The following EPHB1 variants were observed in gnomAD, a reference collection of about 807,000 sequenced individuals.
EPHB1 encodes the protein ephrin type-B receptor 1.
In EPHB1, 30 loss-of-function variants were observed where a neutral mutation model predicts 94.4. The ratio of observed to expected loss-of-function variants is 0.32; its 90% CI spans 0.24 to 0.43. The LOEUF (loss-of-function observed/expected upper bound fraction) is 0.43, where lower values mean the gene tolerates loss of function less well. EPHB1 is among the 20% of genes least tolerant of loss of function. EPHB1 has a pLI of 1.00. For missense variants in EPHB1, 1,055 were observed against 1,308.3 expected (o/e 0.81, Z 2.99); for synonymous variants, 522 against 489.1 (o/e 1.07, Z -0.89).
At chr3:134,948,457 A>G (rs2039256858) in intron 2 of EPHB1, among the ~76,000 whole-genome samples, 1 of 152,078 alleles carries the variant, frequency 6.6e-6, no homozygotes, top group Non-Finnish European at 1.5e-5. Context: ...TGACTTCTCC[A>G]TGGCTGAAAA....
intron 1 of EPHB1, among the ~76,000 whole-genome samples, chr3:134,832,100 A>G (rs140178195): frequency 6.6e-6 from 1 of 152,380 alleles, no homozygotes; most frequent in East Asian, 1.9e-4. Flanking sequence ...AGCACAAAAT[A>G]TTGTGTGGGA....
intron 15 of EPHB1, among the ~76,000 whole-genome samples, chr3:135,257,722 T>C (rs1576508489): frequency 1.5e-5 from 2 of 129,082 alleles, no homozygotes; most frequent in Non-Finnish European, 3.4e-5. Flanking sequence ...CAGGCAGGCC[T>C]CCTTGAGCTG....
chr3:134,942,191 A>G (rs1173579403), intron 2 of EPHB1, among the ~76,000 whole-genome samples: 1 of 152,238 alleles, frequency 6.6e-6, no homozygotes, highest in Non-Finnish European at 1.5e-5. Context: ...TCATTGCCTC[A>G]GTCTTCCAGG....
chr3:134,963,182 CTTCT>C lies in EPHB1; in HGVS notation c.805+11132_805+11135del, dbSNP rs1478729548. 4.4e-5 allele frequency among the ~76,000 whole-genome samples: 6 copies of C among 135,200 alleles called. No homozygotes were observed. The East Asian group carries it at 1.0e-3, about 23-fold the overall frequency. 88.7% of individuals were successfully genotyped at this position (135,200 alleles called of 152,430 possible). On this transcript the variant is annotated intron_variant, in intron 3 of 15. Transcript: ENST00000398015. ...CCTTCCTTCCTTCCTTCCTTCCTTCCTTCTTCCTTCTTCTTCTGTACTTTTGTTT... is the reference window on the plus strand; with the variant it reads ...CCTTCCTTCCTTCCTTCCTTCCTTCCTCCTTCTTCTTCTGTACTTTTGTTT...
chr3:135,075,174 C>A (rs1237172353), intron 3 of EPHB1, among the ~76,000 whole-genome samples: 1 of 152,152 alleles, frequency 6.6e-6, no homozygotes, highest in East Asian at 1.9e-4. Context: ...CTATCCCCAA[C>A]CAGCCCTGGG....
intron 1 of EPHB1, among the ~76,000 whole-genome samples, chr3:134,803,340 C>T (rs2035969668): frequency 6.6e-6 from 1 of 152,128 alleles, no homozygotes; most frequent in Non-Finnish European, 1.5e-5. Flanking sequence ...GGCAGGTGGC[C>T]AGAAAGGGAG....
At chr3:135,120,470 A>C (rs1490982545) in intron 4 of EPHB1, among the ~76,000 whole-genome samples, 1 of 152,184 alleles carries the variant, frequency 6.6e-6, no homozygotes, top group Admixed American at 6.5e-5. Context: ...TGGACATCTA[A>C]CAGAGGCTGG....
chr3:134,919,295 G>A (rs547134296), intron 1 of EPHB1, among the ~76,000 whole-genome samples: 2 of 152,274 alleles, frequency 1.3e-5, no homozygotes, highest in South Asian at 4.2e-4. Context: ...TTTAGATGGG[G>A]GAGACACATG....
chr3:134,860,261 G>A (rs73214883), intron 1 of EPHB1, among the ~76,000 whole-genome samples: 2 of 151,534 alleles, frequency 1.3e-5, no homozygotes, highest in South Asian at 2.1e-4. Context: ...GAGCATCTCC[G>A]CCATACTCAG....
chr3:135,048,252 CTTTT>C (rs1323642991), intron 3 of EPHB1, among the ~76,000 whole-genome samples: 1 of 83,432 alleles, frequency 1.2e-5, no homozygotes, highest in African/African-American at 5.1e-5. Flanking sequence ...TTCTTTCTTT[CTTTT>C]TTCTTTTTTT....
chr3:134,800,720 A>G (rs2035919646), intron 1 of EPHB1, among the ~76,000 whole-genome samples: 1 of 152,154 alleles, frequency 6.6e-6, no homozygotes, highest in Non-Finnish European at 1.5e-5. Context: ...GGGGATCTGC[A>G]TTTTACTAAA....
chr3:134,998,124 A>G (rs1935054334), intron 3 of EPHB1, among the ~76,000 whole-genome samples: 1 of 152,234 alleles, frequency 6.6e-6, no homozygotes, highest in Non-Finnish European at 1.5e-5. Context: ...CGGCAGATCT[A>G]AAGCATCTGG....
At chr3:134,918,934 T>C (rs1472077904) in intron 1 of EPHB1, among the ~76,000 whole-genome samples, 2 of 152,188 alleles carry the variant, frequency 1.3e-5, no homozygotes, top group African/African-American at 2.4e-5. Context: ...TATTACTCTT[T>C]AAAAAGCTGA....
intron 15 of EPHB1, among the ~76,000 whole-genome samples, chr3:135,257,869 C>T (rs533801612): frequency 1.8e-4 from 27 of 152,208 alleles, no homozygotes; most frequent in African/African-American, 6.0e-4. Flanking sequence ...AGGGAGACTC[C>T]GTGGGCATAG....
At chr3:134,975,285 T>C (rs753408814) in intron 3 of EPHB1, among the ~76,000 whole-genome samples, 4 of 152,162 alleles carry the variant, frequency 2.6e-5, no homozygotes, top group Non-Finnish European at 5.9e-5. Context: ...CCATCCCTTT[T>C]GCAGGCCTGA....
At chr3:135,180,394 C>G (rs17767042) in intron 10 of EPHB1, among the ~76,000 whole-genome samples, 42 of 152,310 alleles carry the variant, frequency 2.8e-4, no homozygotes, top group Admixed American at 1.1e-3. Context: ...GTAAGTTCTC[C>G]ATTTCCTATG....
At chr3:134,955,024 A>G (rs955440126) in intron 3 of EPHB1, among the ~76,000 whole-genome samples, 1 of 132,246 alleles carries the variant, frequency 7.6e-6, no homozygotes, top group South Asian at 2.5e-4. Context: ...CGGCTCATGC[A>G]TTTTCTAGAG....
intron 3 of EPHB1, among the ~76,000 whole-genome samples, chr3:134,988,630 A>G (rs1934686875): frequency 6.6e-6 from 1 of 152,212 alleles, no homozygotes; most frequent in Non-Finnish European, 1.5e-5. Context: ...TTGGCTGCCC[A>G]TGAGAGATAC....
At chr3:134,878,463 C>T (rs948803122) in intron 1 of EPHB1, among the ~76,000 whole-genome samples, 3 of 152,286 alleles carry the variant, frequency 2.0e-5, no homozygotes, top group Middle Eastern at 3.4e-3. Flanking sequence ...AGGTCGACAT[C>T]GTCATCCCCT....
Sources: allele counts gnomAD v4.1 joint callset (sites outside exome capture counted in the v4.1 genomes callset), GRCh38; gene constraint gnomAD v4.1.1; transcripts MANE v1.5; gene names NCBI Gene and HGNC (gene_info 2026-07-23, HGNC 2026-07-21).